Variants in POLK observed in about 807,000 individuals in gnomAD.
The protein encoded by POLK is DNA polymerase kappa.
POLK carries 76 observed loss-of-function variants against 94.0 expected under a neutral mutation model. That is an observed-to-expected ratio of 0.81 (90% confidence interval 0.67 to 0.98). POLK has a LOEUF of 0.98. Among genes scored for constraint, POLK ranks in the 50% least tolerant of loss-of-function variants. The pLI is 0.00. For synonymous variants in POLK, 349 were observed against 325.4 expected (o/e 1.07, Z -0.78); for missense variants, 954 against 1,010.1 (o/e 0.94, Z 0.75).
chr5:75,577,952 T>C (rs1436257414), intron 6 of POLK, among the ~76,000 whole-genome samples: 1 of 152,192 alleles, frequency 6.6e-6, no homozygotes, highest in Non-Finnish European at 1.5e-5. Context: ...GTAACTTTAT[T>C]GTTTGAGGAT....
chr5:75,589,083 GAATT>G (rs1463721621), intron 10 of POLK, among the ~76,000 whole-genome samples: 1 of 151,860 alleles, frequency 6.6e-6, no homozygotes, highest in Non-Finnish European at 1.5e-5. Flanking sequence ...CTTTTACTAA[GAATT>G]AATTCCACAG....
At chr5:75,583,565 G>A (rs1318548021) in intron 8 of POLK, 148 bp downstream of exon 8, 3 of 432,502 alleles carry the variant, frequency 6.9e-6, no homozygotes, top group Non-Finnish European at 1.2e-5. Context: ...ATTTGGACTT[G>A]AAGAAACCTT....
chr5:75,521,774 T>C (rs1471270398), intron 1 of POLK, among the ~76,000 whole-genome samples: 1 of 152,194 alleles, frequency 6.6e-6, no homozygotes, highest in Non-Finnish European at 1.5e-5. Flanking sequence ...ATTTCTTTTT[T>C]TTTTTCTGCT....
At chr5:75,523,156 A>G (rs1768665560) in intron 1 of POLK, among the ~76,000 whole-genome samples, 1 of 152,218 alleles carries the variant, frequency 6.6e-6, no homozygotes, top group African/African-American at 2.4e-5. Context: ...ATATACTGCT[A>G]GTTGATTTAT....
chr5:75,561,544 C>A (rs984316962), intron 3 of POLK, among the ~76,000 whole-genome samples: 6 of 152,176 alleles, frequency 3.9e-5, no homozygotes, highest in Non-Finnish European at 5.9e-5. Context: ...GCTTTTGTTG[C>A]AATTGCTTTC....
At chr5:75,531,659 G>T (rs1012662887) in intron 1 of POLK, among the ~76,000 whole-genome samples, 1 of 152,066 alleles carries the variant, frequency 6.6e-6, no homozygotes, top group Non-Finnish European at 1.5e-5. Flanking sequence ...CAGGCGTGGT[G>T]GTGGGCACCT....
intron 1 of POLK, among the ~76,000 whole-genome samples, chr5:75,543,127 C>T (rs1769838252): frequency 6.6e-6 from 1 of 151,632 alleles, no homozygotes; most frequent in African/African-American, 2.4e-5. Flanking sequence ...ACTGAAGCCT[C>T]TGCCTCCCAG....
chr5:75,567,664 G>T (rs973470190), intron 3 of POLK, among the ~76,000 whole-genome samples: 2 of 152,168 alleles, frequency 1.3e-5, no homozygotes, highest in South Asian at 2.1e-4. Context: ...TGACAATTTA[G>T]TATCTAATAC....
chr5:75,567,548 A>C lies in POLK; in HGVS notation c.256-1792A>C, dbSNP rs183996163. On this transcript the variant is annotated intron_variant, in intron 3 of 14. Transcript: ENST00000241436. ...TCCTTTCACTTTTTAAACCAACTTTAATATACTGCTATAAATTCATTATTT... is the reference window on the plus strand; with the variant it reads ...TCCTTTCACTTTTTAAACCAACTTTCATATACTGCTATAAATTCATTATTT... 2.0e-5 allele frequency among the ~76,000 whole-genome samples: 3 copies of C among 152,352 alleles called. No homozygotes were observed. The East Asian group carries it at 5.8e-4, about 29-fold the overall frequency.
At chr5:75,598,105 A>T in exon 15 of POLK, 1 of 575,236 alleles carries the variant, frequency 1.7e-6, no homozygotes, top group Non-Finnish European at 2.9e-6. Flanking sequence ...AAGTTTGCAG[A>T]TTTATTTAGT....
intron 4 of POLK, among the ~76,000 whole-genome samples, chr5:75,572,625 T>C (rs2112777552): frequency 6.6e-6 from 1 of 152,254 alleles, no homozygotes; most frequent in Middle Eastern, 3.4e-3. Context: ...CCAATGAAGT[T>C]TAGTTGGTAG....
intron 3 of POLK, among the ~76,000 whole-genome samples, chr5:75,562,423 G>T (rs2112718878): frequency 6.6e-6 from 1 of 152,224 alleles, no homozygotes; most frequent in East Asian, 1.9e-4. Context: ...AGACAATGGG[G>T]TTTTCTAAAT....
At position 75,587,011 on chromosome 5, in the gene POLK, T is replaced by A; in HGVS notation, c.1227-15T>A. 1 of 1,541,190 alleles carries A rather than the reference T, an allele frequency of 6.5e-7. No individual in the cohort carries two copies. On this transcript the variant is annotated splice_polypyrimidine_tract_variant and intron_variant, in intron 9 of 14. Transcript: ENST00000241436. The stretch of plus-strand genomic sequence containing the variant: ...CAGTCTTTGAAAAATAAAGACCTTT[T>A]TTTTTCATTTCAAGGGATGGAGAGA...
At chr5:75,531,910 A>G (rs1487256321) in intron 1 of POLK, among the ~76,000 whole-genome samples, 4 of 152,248 alleles carry the variant, frequency 2.6e-5, no homozygotes, top group Middle Eastern at 3.4e-3. Flanking sequence ...GTTATTATCT[A>G]GGGCAGTATT....
At position 75,596,998 on chromosome 5, in the gene POLK, T is replaced by C. The variant is rs757766521; in HGVS notation, c.2305T>C (p.Cys769Arg). ...ACAAGAATACCGCCAGCCTTACTTA[T>C]GTGAAGTGAAAACAGGCCAAGCTCT... The change falls in exon 13 of 15, where the codon TGT becomes CGT. Residue 769 changes from cysteine (C) to arginine (R), a missense_variant. Coordinates refer to ENST00000241436, the Ensembl canonical transcript of POLK. 2.5e-6 allele frequency: 4 copies of C among 1,613,904 alleles called. No individual in the cohort carries two copies. The South Asian group carries it at 3.3e-5, about 13-fold the overall frequency.
chr5:75,527,393 G>A (rs540178447), intron 1 of POLK, among the ~76,000 whole-genome samples: 2 of 151,500 alleles, frequency 1.3e-5, no homozygotes, highest in East Asian at 3.9e-4. Flanking sequence ...GGTGGTGCAC[G>A]CCTGTGGTCC....
intron 1 of POLK, among the ~76,000 whole-genome samples, chr5:75,520,842 A>T (rs1447903651): frequency 6.6e-6 from 1 of 152,076 alleles, no homozygotes; most frequent in Non-Finnish European, 1.5e-5. Context: ...TCTGGGAAAG[A>T]CTTTATCTTT....
intron 14 of POLK, 59 bp downstream of exon 14, chr5:75,597,848 T>C: frequency 5.9e-6 from 7 of 1,190,166 alleles, no homozygotes; most frequent in Non-Finnish European, 8.2e-6. Context: ...AATTATTTTA[T>C]AAATTATTAA....
chr5:75,581,249 A>G, exon 7 of POLK: 1 of 1,607,900 alleles, frequency 6.2e-7, no homozygotes, highest in Non-Finnish European at 8.5e-7. Flanking sequence ...GTGAGCATGA[A>G]CGATCCATCT....
Sources: allele counts gnomAD v4.1 joint callset (sites outside exome capture counted in the v4.1 genomes callset), GRCh38; gene constraint gnomAD v4.1.1; transcripts MANE v1.5; gene names NCBI Gene and HGNC (gene_info 2026-07-23, HGNC 2026-07-21).